The following NFKB1 variants were observed in gnomAD, a reference collection of about 807,000 sequenced individuals.
NFKB1 encodes the protein nuclear factor NF-kappa-B p105 subunit.
A neutral mutation model predicts 105.1 loss-of-function variants in NFKB1; 9 were observed. That is an observed-to-expected ratio of 0.09 (90% CI 0.05 to 0.15). NFKB1 has a LOEUF of 0.15. Ranked by LOEUF, NFKB1 falls within the 10% of genes least tolerant of loss-of-function variation. The pLI, the probability that NFKB1 is intolerant of heterozygous loss-of-function variation, is 1.00. For missense variants in NFKB1, 830 were observed against 1,203.7 expected, an observed-to-expected ratio of 0.69 and a Z score of 4.59; for synonymous variants, 440 against 442.2, an observed-to-expected ratio of 1.00 and a Z score of 0.06.
intron 1 of NFKB1, chr4:102,503,512 T>C (rs1341707130): frequency 1.3e-5 from 2 of 152,010 alleles, no homozygotes; most frequent in East Asian, 3.9e-4. Context: ...CTTTTAGGGG[T>C]TGGTGGTGAT....
intron 6 of NFKB1, among the ~76,000 whole-genome samples, chr4:102,569,181 A>T (rs1278030272): frequency 6.6e-6 from 1 of 152,092 alleles, no homozygotes; most frequent in Non-Finnish European, 1.5e-5. Context: ...CAATGTCAAA[A>T]CTTATTGCAT....
At chr4:102,584,294 C>G (rs1725543654) in intron 10 of NFKB1, among the ~76,000 whole-genome samples, 1 of 152,170 alleles carries the variant, frequency 6.6e-6, no homozygotes, top group Admixed American at 6.5e-5. Context: ...CCATCTCTCT[C>G]TTTCCATACC....
chr4:102,560,874 C>T (rs1397484669), intron 5 of NFKB1, among the ~76,000 whole-genome samples: 1 of 152,184 alleles, frequency 6.6e-6, no homozygotes, highest in Non-Finnish European at 1.5e-5. Context: ...TAGTACCTAC[C>T]ATGTACCAGG....
intron 4 of NFKB1, among the ~76,000 whole-genome samples, chr4:102,534,464 G>A (rs1037543893): frequency 3.3e-5 from 5 of 152,104 alleles, no homozygotes; most frequent in African/African-American, 9.7e-5. Flanking sequence ...ATTTTTTCAG[G>A]TGCTTCCCCT....
Position 102,613,530 on chromosome 4 carries a change from T to C in NFKB1, c.2698T>C (p.Ser900Pro). The change falls in exon 23 of 24, where the codon TCT (serine) becomes CCT (proline). Residue 900 changes from serine to proline, a missense_variant. By Grantham distance (74) the Ser-to-Pro change is moderately conservative. Around this residue, in one of 8 missense-constraint regions of NFKB1, gnomAD observed 418 missense variants for 575.3 expected, o/e 0.73. Coordinates refer to ENST00000226574, the MANE Select transcript of NFKB1 (RefSeq NM_003998.4). ...QAASSPVKTT[S>P]QAHSLPLSPA... ...AGCCTCCAGCCCAGTGAAGACCACC[T>C]CTCAGGCCCACTCGCTGCCTCTCTC... is the stretch of plus-strand genomic sequence containing the variant. 1 of 1,613,758 alleles carries C rather than the reference T, an allele frequency of 6.2e-7. No homozygotes were observed.
chr4:102,574,455 A>G (rs1343822829), intron 6 of NFKB1, among the ~76,000 whole-genome samples: 2 of 150,552 alleles, frequency 1.3e-5, no homozygotes, highest in Admixed American at 6.6e-5. Flanking sequence ...TCAGCTGAAG[A>G]CTCCAGTGAT....
At chr4:102,611,935 T>A in intron 20 of NFKB1, 109 bp from the exon 21 acceptor site, 1 of 783,634 alleles carries the variant, frequency 1.3e-6, no homozygotes, top group Non-Finnish European at 2.1e-6. Context: ...ATCATTAGGG[T>A]ACCAGGCCCT....
At chr4:102,528,736 T>C (rs559405098) in intron 2 of NFKB1, among the ~76,000 whole-genome samples, 3 of 152,322 alleles carry the variant, frequency 2.0e-5, no homozygotes, top group East Asian at 1.9e-4. Flanking sequence ...ACAATGTTTT[T>C]TGATAAGTAA....
At chr4:102,599,254 C>A (rs896715809) in intron 15 of NFKB1, among the ~76,000 whole-genome samples, 1 of 152,042 alleles carries the variant, frequency 6.6e-6, no homozygotes, top group Admixed American at 6.6e-5. Flanking sequence ...AGAGTTTAGG[C>A]CCTTTTCAGA....
At chr4:102,522,308 G>A (rs1047895574) in intron 1 of NFKB1, among the ~76,000 whole-genome samples, 3 of 152,072 alleles carry the variant, frequency 2.0e-5, no homozygotes, top group African/African-American at 4.8e-5. Context: ...TCACCATAGC[G>A]TTACTGTTAC....
At chr4:102,571,303 C>A (rs1724333861) in intron 6 of NFKB1, among the ~76,000 whole-genome samples, 2 of 152,130 alleles carry the variant, frequency 1.3e-5, no homozygotes, top group Non-Finnish European at 2.9e-5. Context: ...AAACTGGATC[C>A]CTTCCTTACA....
At chr4:102,561,116 A>T (rs1449141604) in intron 5 of NFKB1, among the ~76,000 whole-genome samples, 1 of 152,174 alleles carries the variant, frequency 6.6e-6, no homozygotes, top group East Asian at 1.9e-4. Context: ...TGTTGGACAT[A>T]ATTCTGTACT....
intron 11 of NFKB1, among the ~76,000 whole-genome samples, chr4:102,588,138 A>G (rs1725865865): frequency 6.6e-6 from 1 of 152,234 alleles, no homozygotes; most frequent in Middle Eastern, 3.2e-3. Flanking sequence ...TATCTAGAAC[A>G]GTATAAGTTG....
chr4:102,602,432 C>T (rs1578819076), intron 16 of NFKB1, among the ~76,000 whole-genome samples: 3 of 150,212 alleles, frequency 2.0e-5, no homozygotes, highest in African/African-American at 7.3e-5. Context: ...CCCAGCTACT[C>T]GGGAGGCTGA....
chr4:102,506,185 A>C (rs1739404617), intron 1 of NFKB1, among the ~76,000 whole-genome samples: 1 of 152,192 alleles, frequency 6.6e-6, no homozygotes, highest in Admixed American at 6.5e-5. Context: ...AGGTGCTTGT[A>C]AAATTGAAAA....
rs778349830 is a variant in NFKB1, at chr4:102,612,422, C to T, written c.2420-12C>T. The T allele has an allele frequency of 1.2e-6, 2 of 1,610,584 alleles. No individual in the cohort carries two copies. Among genetic ancestry groups the T allele is most frequent in the South Asian group, 1.1e-5 (1 of 90,992 alleles). ...TGTTAGAACAAGTGTGTTCCTTCTTCATTTCCTTCAGGAGACATGAAACAG... is the reference window on the plus strand; with the variant it reads ...TGTTAGAACAAGTGTGTTCCTTCTTTATTTCCTTCAGGAGACATGAAACAG... On this transcript the variant is annotated splice_polypyrimidine_tract_variant and intron_variant, in intron 21 of 23. Coordinates refer to ENST00000226574, the MANE Select transcript of NFKB1 (RefSeq NM_003998.4).
At chr4:102,610,234 G>A (rs1728265344) in intron 19 of NFKB1, among the ~76,000 whole-genome samples, 1 of 152,172 alleles carries the variant, frequency 6.6e-6, no homozygotes, top group Admixed American at 6.5e-5. Context: ...CACCCTAGTG[G>A]CTGTAATCAT....
Position 102,577,053 on chromosome 4 carries a change from T to C in NFKB1, c.571+14T>C. ...GGCAGCTGGGAGGTAAGCATCATTT[T>C]CCTGGCCTTGATCCTCCAAGGGGTC... On this transcript the variant is annotated intron_variant, in intron 7 of 23. Coordinates refer to ENST00000226574, the MANE Select transcript of NFKB1 (RefSeq NM_003998.4). 6.2e-7 allele frequency: 1 copy of C among 1,605,748 alleles called. No individual in the cohort carries two copies. The highest frequency in any genetic ancestry group is 8.5e-7 in the Non-Finnish European group (1 of 1,177,322).
chr4:102,537,518 A>C (rs1741718110), intron 4 of NFKB1: 1 of 169,730 alleles, frequency 5.9e-6, no homozygotes, highest in African/African-American at 2.4e-5. Context: ...CAGCAATTTA[A>C]GACAAGGAAG....
Sources: gnomAD v4.1 joint callset for allele counts (sites outside exome capture counted in the v4.1 genomes callset) on GRCh38, gnomAD v4.1.1 for gene constraint, gnomAD v4.1.1 regional missense constraint, MANE v1.5 for transcripts, NCBI Gene and HGNC (gene_info 2026-07-23, HGNC 2026-07-21) for gene names.